HLCS: variants seen among roughly 807,000 people sequenced by gnomAD.
HLCS encodes the protein biotin--protein ligase.
In HLCS, 53 loss-of-function variants were observed where a neutral mutation model predicts 75.0. The ratio of observed to expected loss-of-function variants is 0.71; its 90% CI spans 0.57 to 0.89. The LOEUF is 0.89. Ranked by LOEUF, HLCS falls within the 40% of genes least tolerant of loss-of-function variation. The probability of loss-of-function intolerance (pLI) is 0.00; values close to 1 mark genes in which losing one functional copy is unlikely to be tolerated. For synonymous variants in HLCS, 431 were observed against 428.6 expected (o/e 1.01, Z -0.07); for missense variants, 966 against 1,074.0 (o/e 0.90, Z 1.41).
intron 6 of HLCS, among the ~76,000 whole-genome samples, chr21:36,870,045 C>G (rs2063717084): frequency 6.6e-6 from 1 of 152,102 alleles, no homozygotes; most frequent in Non-Finnish European, 1.5e-5. Context: ...AGTTGTTTGC[C>G]ACGATTTTAA....
At chr21:36,801,319 A>G (rs1349796058) in intron 6 of HLCS, among the ~76,000 whole-genome samples, 2 of 152,314 alleles carry the variant, frequency 1.3e-5, no homozygotes, top group Non-Finnish European at 1.5e-5. Flanking sequence ...CTATCCTGTG[A>G]TATTTTAGAA....
intron 6 of HLCS, among the ~76,000 whole-genome samples, chr21:36,850,827 C>A (rs1469719256): frequency 2.0e-5 from 3 of 152,152 alleles, no homozygotes; most frequent in Non-Finnish European, 2.9e-5. Flanking sequence ...GTCCCTTCCA[C>A]CCTCAATCTA....
intron 6 of HLCS, among the ~76,000 whole-genome samples, chr21:36,895,405 A>G (rs2064972595): frequency 1.3e-5 from 2 of 152,208 alleles, no homozygotes; most frequent in Non-Finnish European, 2.9e-5. Context: ...CTGGGAATCA[A>G]TGGATGTCAG....
chr21:36,828,457 C>T (rs961832922), intron 6 of HLCS, among the ~76,000 whole-genome samples: 12 of 152,116 alleles, frequency 7.9e-5, no homozygotes, highest in African/African-American at 2.2e-4. Context: ...ACCCTGGAAA[C>T]GTTAATAAGG....
At chr21:36,776,962 T>C (rs1221335536) in intron 6 of HLCS, among the ~76,000 whole-genome samples, 1 of 152,226 alleles carries the variant, frequency 6.6e-6, no homozygotes, top group Non-Finnish European at 1.5e-5. Flanking sequence ...AGAGCAACTT[T>C]AGGTTTACAG....
At chr21:36,879,116 C>T (rs1480183866) in intron 6 of HLCS, among the ~76,000 whole-genome samples, 1 of 162 alleles carries the variant, frequency 6.2e-3, no homozygotes, top group Non-Finnish European at 0.012. Flanking sequence ...GGCATGATAT[C>T]TCTTGAACAA....
At chr21:36,848,115 T>C (rs564539429) in intron 6 of HLCS, among the ~76,000 whole-genome samples, 1 of 152,250 alleles carries the variant, frequency 6.6e-6, no homozygotes, top group African/African-American at 2.4e-5. Context: ...CATCACTTCA[T>C]CTACTTGGGT....
intron 5 of HLCS, among the ~76,000 whole-genome samples, chr21:36,903,553 T>C (rs1365472021): frequency 6.6e-6 from 1 of 152,126 alleles, no homozygotes; most frequent in East Asian, 1.9e-4. Flanking sequence ...CAGATGATGG[T>C]AATACAAATA....
intron 6 of HLCS, among the ~76,000 whole-genome samples, chr21:36,788,222 C>T (rs1164993744): frequency 6.6e-6 from 1 of 152,210 alleles, no homozygotes; most frequent in Admixed American, 6.5e-5. Context: ...CTAAGGGGCA[C>T]GTGCCACTGG....
chr21:36,962,379 G>C (rs1301427425), intron 1 of HLCS, among the ~76,000 whole-genome samples: 1 of 152,160 alleles, frequency 6.6e-6, no homozygotes, highest in Non-Finnish European at 1.5e-5. Context: ...CGATGACTCA[G>C]GACAGCTTTA....
chr21:36,763,755 G>A (rs1184751478), intron 8 of HLCS, among the ~76,000 whole-genome samples: 1 of 152,204 alleles, frequency 6.6e-6, no homozygotes, highest in African/African-American at 2.4e-5. Flanking sequence ...ACATTTGGGA[G>A]GGGGCTATGG....
chr21:36,784,459 G>T (rs920517452), intron 6 of HLCS, among the ~76,000 whole-genome samples: 3 of 151,956 alleles, frequency 2.0e-5, no homozygotes, highest in African/African-American at 7.3e-5. Flanking sequence ...GGGACTACAG[G>T]CATGTGCCAC....
Position 36,936,789 on chromosome 21 carries a change from A to AT in HLCS, c.1096dup (p.Ile366AsnfsTer58), listed in dbSNP as rs773102942. The AT allele has an allele frequency of 1.9e-6, 3 of 1,614,198 alleles. No homozygotes were observed. The East Asian group carries it at 6.7e-5, about 36-fold the overall frequency. ...TTCGGGAATGGACTCCCTGGTAGCAATGACCAACAGCAGACAGTTGTCCGT... is the reference window on the plus strand; with the variant it reads ...TTCGGGAATGGACTCCCTGGTAGCAATTGACCAACAGCAGACAGTTGTCCGT... On this transcript the variant is annotated frameshift_variant, in exon 4 of 11. Coordinates refer to ENST00000674895, the MANE Select transcript of HLCS (RefSeq NM_001352514.2). LOFTEE classifies it high-confidence loss of function.
At chr21:36,977,062 A>G (rs2068957275) in intron 1 of HLCS, among the ~76,000 whole-genome samples, 1 of 152,026 alleles carries the variant, frequency 6.6e-6, no homozygotes, top group African/African-American at 2.4e-5. Context: ...AGTTTTTGCA[A>G]CTACCTCAAA....
At chr21:36,932,573 C>T (rs547343878) in intron 4 of HLCS, among the ~76,000 whole-genome samples, 114 of 152,286 alleles carry the variant, frequency 7.5e-4, no homozygotes, top group Non-Finnish European at 1.5e-3. Flanking sequence ...CTTACTGGAA[C>T]CTCTAGCTCC....
chr21:36,968,213 T>C (rs1489047377), upstream of HLCS, among the ~76,000 whole-genome samples: 1 of 151,960 alleles, frequency 6.6e-6, no homozygotes. Context: ...GGTCTCAAAC[T>C]CCTGGTCTCG....
chr21:36,980,196 T>TAA lies in HLCS; in HGVS notation c.-393+9960_-393+9961dup, dbSNP rs113653823. ...AATGGAGTGAGACCCTGACTATATT[T>TAA]AAAAAAAAAAAAAATAGGAAGAAAC... On this transcript the variant is annotated intron_variant, in intron 1 of 11. Transcript: ENST00000336648. Among the ~76,000 whole-genome samples, 294 of 139,732 alleles carry TAA rather than the reference T, an allele frequency of 2.1e-3. 7 individuals are homozygous for TAA. Among genetic ancestry groups the TAA allele is most frequent in the African/African-American group, 3.8e-3 (143 of 37,422 alleles). The allele number at this position is 139,732 out of a possible 152,430, so 91.7% of individuals were successfully genotyped here.
intron 6 of HLCS, among the ~76,000 whole-genome samples, chr21:36,873,337 C>T (rs1367358951): frequency 1.3e-5 from 2 of 151,992 alleles, no homozygotes; most frequent in East Asian, 1.9e-4. Flanking sequence ...AGGATGGTCT[C>T]GATCTCTTGA....
At chr21:36,826,772 C>G (rs187313483) in intron 6 of HLCS, among the ~76,000 whole-genome samples, 1 of 152,352 alleles carries the variant, frequency 6.6e-6, no homozygotes, top group African/African-American at 2.4e-5. Flanking sequence ...AATGAGGAAG[C>G]TTGTCCAAGT....
Sources: allele counts gnomAD v4.1 joint callset (sites outside exome capture counted in the v4.1 genomes callset), GRCh38; gene constraint gnomAD v4.1.1; transcripts MANE v1.5; gene names NCBI Gene and HGNC (gene_info 2026-07-23, HGNC 2026-07-21).